Variants in HAUS7 observed in about 807,000 individuals in gnomAD.
HAUS7 encodes HAUS augmin like complex subunit 7, also known as HAUS augmin-like complex subunit 7.
Under a neutral mutation model 28.4 loss-of-function variants are expected in HAUS7, and 3 were observed. The ratio of observed to expected loss-of-function variants is 0.11; its 90% CI spans 0.05 to 0.27. The LOEUF (loss-of-function observed/expected upper bound fraction) is 0.27, where lower values mean the gene tolerates loss of function less well. HAUS7 is among the 10% of genes least tolerant of loss of function. HAUS7 has a pLI of 1.00. For missense variants in HAUS7, 284 were observed against 297.3 expected (o/e 0.96, Z 0.33); for synonymous variants, 165 against 132.1 (o/e 1.25, Z -1.71).
chrX:153,465,090 A>C (rs782070782), intron 2 of HAUS7, 35 bp from the exon 3 acceptor site: 3 of 1,011,581 alleles, frequency 3.0e-6, no homozygotes, highest in Non-Finnish European at 4.2e-6. Flanking sequence ...CAGGCCGGAG[A>C]CAGCCAGAGA....
In HAUS7 at chrX:153,455,643, C is replaced by T; in HGVS notation, c.829G>A (p.Asp277Asn). Residue 277 changes from aspartate (D) to asparagine (N), a missense_variant, in exon 8 of 10, where the codon GAC (aspartate) becomes AAC (asparagine). Transcript: ENST00000370211. ...QLILAFLQVY[D>N]DELGECCQRP... The stretch of plus-strand genomic sequence containing the variant: ...TGGCAGCACTCGCCCAGCTCGTCGT[C>T]GTAGACTTGGAGAAAAGCCAAGATT... 3 of 1,208,465 alleles carry T rather than the reference C, an allele frequency of 2.5e-6. No individual in the cohort carries two copies. Among genetic ancestry groups the T allele is most frequent in the South Asian group, 1.8e-5 (1 of 56,943 alleles).
At position 153,455,304 on chromosome X, in the gene HAUS7, C is replaced by G. The variant is rs184441945; in HGVS notation, c.930+238G>C. 2.5e-3 allele frequency: 1,097 copies of G among 441,503 alleles called. 7 individuals carry two copies. The highest frequency in any genetic ancestry group is 0.024 in the African/African-American group (982 of 40,465). 36.4% of individuals were successfully genotyped at this position (441,503 alleles called of 1,213,427 possible). On this transcript the variant is annotated intron_variant, in intron 8 of 9. Coordinates refer to ENST00000370211, the MANE Select transcript of HAUS7 (RefSeq NM_001385482.1). ...CGGATCTGGGCCTAGCTAGTGCCTG[C>G]TAAGGTGGGCAGGTCCAAGGACCAG...
chrX:153,493,614 G>A lies in HAUS7; in HGVS notation c.-589+1760C>T, dbSNP rs782093698. 2.7e-5 allele frequency among the ~76,000 whole-genome samples: 3 copies of A among 112,232 alleles called. No individual in the cohort carries two copies. In the South Asian group the frequency reaches 1.1e-3, roughly 42 times the overall value. Reference sequence around the variant, plus strand: ...ACCAGCCTGGCCCCTGGTTTCCCACGTCTCTCTTCTCCCTGGCCCAGTCTA... The same window carrying A: ...ACCAGCCTGGCCCCTGGTTTCCCACATCTCTCTTCTCCCTGGCCCAGTCTA... On this transcript the variant is annotated intron_variant, in intron 1 of 5. Transcript: ENST00000370210.
intron 7 of HAUS7, 51 bp from the exon 8 acceptor site, chrX:153,455,817 G>A (rs1556982029): frequency 1.3e-6 from 1 of 763,147 alleles, no homozygotes; most frequent in East Asian, 3.2e-5. Flanking sequence ...CACCAGCCAG[G>A]CTGCCACCGG....
chrX:153,457,068 T>C lies in HAUS7; in HGVS notation c.446+69A>G, dbSNP rs1287734488. ...AGAGGGGGAGTGACACCCCAGCCCC[T>C]ACCAGCTCCAGAACTAGGACCAAGA... On this transcript the variant is annotated intron_variant, in intron 5 of 9. Transcript: ENST00000370211. 30 of 719,513 alleles carry C rather than the reference T, an allele frequency of 4.2e-5. No individual in the cohort carries two copies. In the East Asian group the frequency reaches 9.1e-4, roughly 22 times the overall value. The allele number at this position is 719,513 out of a possible 1,213,427, so 59.3% of individuals were successfully genotyped here.
intron 1 of HAUS7, among the ~76,000 whole-genome samples, chrX:153,484,488 T>A (rs1004280748): frequency 9.6e-5 from 10 of 103,807 alleles, no homozygotes; most frequent in Non-Finnish European, 1.8e-4. Flanking sequence ...GACACGGTCC[T>A]GGGAACAGCG....
intron 2 of HAUS7, among the ~76,000 whole-genome samples, chrX:153,468,849 G>A (rs782696874): frequency 1.8e-5 from 2 of 112,966 alleles, no homozygotes; most frequent in African/African-American, 6.4e-5. Flanking sequence ...GTGCCTGCCA[G>A]TCCTGAACCT....
In HAUS7 at chrX:153,480,486, T is replaced by C. The variant is rs782691535; in HGVS notation, c.-588-9341A>G. ...GGGAAAGGCGGGGCGGGGGGAGGCCTGGGTAAAGAGGAAGGGCGATGGGCT... is the reference window on the plus strand; with the variant it reads ...GGGAAAGGCGGGGCGGGGGGAGGCCCGGGTAAAGAGGAAGGGCGATGGGCT... On this transcript the variant is annotated intron_variant, in intron 1 of 5. Transcript: ENST00000370210. 37 of 593,597 alleles carry C rather than the reference T, an allele frequency of 6.2e-5. No individual in the cohort carries two copies. In the African/African-American group the frequency reaches 9.0e-4, roughly 14 times the overall value. The allele number at this position is 593,597 out of a possible 1,213,427, so 48.9% of individuals were successfully genotyped here.
intron 1 of HAUS7, chrX:153,479,241 T>C: frequency 1.7e-6 from 1 of 577,525 alleles, no homozygotes; most frequent in Non-Finnish European, 2.1e-6. Flanking sequence ...CTCTCCCAGC[T>C]CTCCTTCCCT....
chrX:153,455,231 C>T, intron 8 of HAUS7: 1 of 434,142 alleles, frequency 2.3e-6, no homozygotes, highest in Non-Finnish European at 4.1e-6. Flanking sequence ...AACAGTGCGG[C>T]CAACACAGGA....
At chrX:153,468,308 G>GA (rs2089478567) in intron 2 of HAUS7, among the ~76,000 whole-genome samples, 1 of 112,324 alleles carries the variant, frequency 8.9e-6, no homozygotes. Context: ...GCAGGCTGAG[G>GA]AGGGGGAGGC....
At chrX:153,450,761 G>A (rs2089229550) in intron 9 of HAUS7, among the ~76,000 whole-genome samples, 1 of 112,304 alleles carries the variant, frequency 8.9e-6, no homozygotes, top group African/African-American at 3.2e-5. Context: ...CACTTCATAG[G>A]TGGTGCCGCA....
chrX:153,467,928 C>T (rs1346244608), intron 2 of HAUS7, among the ~76,000 whole-genome samples: 1 of 112,379 alleles, frequency 8.9e-6, no homozygotes. Flanking sequence ...GGAGACAGGA[C>T]GTGTGAGTTG....
intron 1 of HAUS7, chrX:153,482,008 C>T (rs1041647441): frequency 5.7e-4 from 270 of 471,909 alleles, no homozygotes; most frequent in Non-Finnish European, 6.9e-4. Flanking sequence ...GAGGCATCCA[C>T]TCACTGCAGG....
chrX:153,466,288 C>T (rs1210224653), intron 2 of HAUS7, among the ~76,000 whole-genome samples: 2 of 112,659 alleles, frequency 1.8e-5, no homozygotes, highest in Non-Finnish European at 3.8e-5. Context: ...TGTGCAAGGG[C>T]GGGCACAGTA....
intron 4 of HAUS7, chrX:153,461,921 C>A: frequency 2.7e-6 from 1 of 371,849 alleles, no homozygotes; most frequent in Admixed American, 5.3e-5. Flanking sequence ...ACGTGTTCAA[C>A]CAGCCAGTGT....
intron 1 of HAUS7, chrX:153,486,754 C>G: frequency 1.0e-6 from 1 of 983,225 alleles, no homozygotes; most frequent in Non-Finnish European, 1.3e-6. Context: ...CTCCTGCACC[C>G]GAGCCTATCA....
chrX:153,472,669 G>A (rs1431643734), upstream of HAUS7, among the ~76,000 whole-genome samples: 2 of 108,534 alleles, frequency 1.8e-5, no homozygotes, highest in Non-Finnish European at 3.8e-5. Flanking sequence ...GCCAGGAGAG[G>A]AAGGGAGCTC....
chrX:153,470,481 C>T lies in HAUS7; in HGVS notation c.77G>A (p.Arg26Lys), dbSNP rs1556984980. The change falls in exon 1 of 10, where the codon AGG becomes AAG. Residue 26 changes from arginine to lysine, a missense_variant. Arg to Lys is a conservative substitution (Grantham distance 26). Coordinates refer to ENST00000370211, the MANE Select transcript of HAUS7 (RefSeq NM_001385482.1). ...CTTCCCGAACACCTCCACAGCCGCC[C>T]TGGACACGCTGCTGTCGCCCTCGTC... ...SEDEGDSSVS[R>K]AAVEVFGKLK... The T allele has an allele frequency of 8.3e-7, 1 of 1,208,279 alleles. No individual in the cohort carries two copies. The highest frequency in any genetic ancestry group is 1.1e-6 in the Non-Finnish European group (1 of 893,631).
Sources: allele counts gnomAD v4.1 joint callset (sites outside exome capture counted in the v4.1 genomes callset), GRCh38; gene constraint gnomAD v4.1.1; transcripts MANE v1.5; gene names NCBI Gene and HGNC (gene_info 2026-07-23, HGNC 2026-07-21).